RABGAP1L: variants seen among roughly 807,000 people sequenced by gnomAD.
RABGAP1L encodes the protein RAB GTPase activating protein 1 like.
In RABGAP1L, 63 loss-of-function variants were observed where a neutral mutation model predicts 137.7. The observed-to-expected ratio is 0.46, with a 90% CI of 0.37 to 0.56. The LOEUF is 0.56. RABGAP1L is among the 20% of genes least tolerant of loss of function. The probability of loss-of-function intolerance (pLI) is 0.00; values close to 1 mark genes in which losing one functional copy is unlikely to be tolerated. For synonymous variants in RABGAP1L, 431 were observed against 433.7 expected (o/e 0.99, Z 0.08); for missense variants, 1,095 against 1,244.0 (o/e 0.88, Z 1.80).
At chr1:174,271,482 T>A (rs988183903) in intron 7 of RABGAP1L, among the ~76,000 whole-genome samples, 9 of 152,142 alleles carry the variant, frequency 5.9e-5, no homozygotes, top group African/African-American at 2.2e-4. Flanking sequence ...ATAGCATATC[T>A]TGAAGTTTTG....
chr1:174,648,816 T>A (rs2148380878), intron 14 of RABGAP1L, among the ~76,000 whole-genome samples: 1 of 152,292 alleles, frequency 6.6e-6, no homozygotes. Context: ...AGTCTCCCAC[T>A]ATTATTGTAT....
intron 13 of RABGAP1L, among the ~76,000 whole-genome samples, chr1:174,552,544 G>C (rs751976401): frequency 3.3e-5 from 5 of 151,896 alleles, no homozygotes; most frequent in Admixed American, 6.6e-5. Flanking sequence ...TGGTGTATAT[G>C]TACACCATGG....
chr1:174,892,460 C>A, intron 19 of RABGAP1L: 1 of 447,580 alleles, frequency 2.2e-6, no homozygotes, highest in Admixed American at 2.8e-5. Context: ...TTATTTGTGC[C>A]AGCTTTTTCA....
rs189666442 is a variant in RABGAP1L, at chr1:174,588,159, C to A, written c.1711-49216C>A. On this transcript the variant is annotated intron_variant, in intron 13 of 25. Transcript: ENST00000681986. ...GGGATTACAGGCATGAGCCACCATG[C>A]CTGGCCTATTTATTTATTTATTTAG... Among the ~76,000 whole-genome samples the A allele has an allele frequency of 2.8e-3, 428 of 151,724 alleles. 4 individuals are homozygous for A. The highest frequency in any genetic ancestry group is 1.0e-2 in the African/African-American group (410 of 41,198).
chr1:174,609,363 G>A (rs914556352), intron 13 of RABGAP1L, among the ~76,000 whole-genome samples: 1 of 152,076 alleles, frequency 6.6e-6, no homozygotes, highest in Non-Finnish European at 1.5e-5. Context: ...TACAAATTCA[G>A]ACTTTAAAAT....
chr1:174,683,100 C>T (rs1406025175), intron 14 of RABGAP1L, among the ~76,000 whole-genome samples: 1 of 124,670 alleles, frequency 8.0e-6, no homozygotes, highest in Non-Finnish European at 1.6e-5. Flanking sequence ...GTCAGAATAG[C>T]GGATTTGCAC....
intron 11 of RABGAP1L, among the ~76,000 whole-genome samples, chr1:174,356,479 G>GT (rs1683648990): frequency 6.6e-6 from 1 of 151,944 alleles, no homozygotes; most frequent in Non-Finnish European, 1.5e-5. Context: ...AAAAAGAATT[G>GT]TGTGTATAGA....
intron 13 of RABGAP1L, among the ~76,000 whole-genome samples, chr1:174,495,028 C>G (rs895812976): frequency 1.3e-5 from 2 of 152,054 alleles, no homozygotes; most frequent in African/African-American, 4.8e-5. Flanking sequence ...CCTTATCCTC[C>G]TTTAGAAGAA....
intron 13 of RABGAP1L, among the ~76,000 whole-genome samples, chr1:174,634,766 A>T (rs1029783889): frequency 6.9e-6 from 1 of 145,032 alleles, no homozygotes; most frequent in Non-Finnish European, 1.5e-5. Flanking sequence ...CATCATTCTC[A>T]GTAAACTATT....
At chr1:174,281,587 G>A (rs1675559965) in intron 10 of RABGAP1L, among the ~76,000 whole-genome samples, 1 of 152,174 alleles carries the variant, frequency 6.6e-6, no homozygotes, top group Admixed American at 6.5e-5. Context: ...CATTAATTAG[G>A]TGTAAGTGGG....
intron 13 of RABGAP1L, among the ~76,000 whole-genome samples, chr1:174,400,655 G>A (rs890125303): frequency 6.6e-6 from 1 of 152,116 alleles, no homozygotes; most frequent in African/African-American, 2.4e-5. Context: ...AGAGCTATAA[G>A]CAATGGATTA....
At chr1:174,640,332 G>C (rs538726016) in intron 14 of RABGAP1L, among the ~76,000 whole-genome samples, 1 of 152,006 alleles carries the variant, frequency 6.6e-6, no homozygotes, top group African/African-American at 2.4e-5. Context: ...ATACTTATGA[G>C]TAATTTAGAA....
chr1:174,209,441 C>T (rs575634914), intron 1 of RABGAP1L, among the ~76,000 whole-genome samples: 79 of 152,306 alleles, frequency 5.2e-4, no homozygotes, highest in African/African-American at 1.9e-3. Flanking sequence ...CTTAAGGGAA[C>T]ATCGGCAGTA....
intron 19 of RABGAP1L, among the ~76,000 whole-genome samples, chr1:174,832,037 A>G (rs962258775): frequency 6.8e-6 from 1 of 148,062 alleles, no homozygotes; most frequent in Admixed American, 6.7e-5. Flanking sequence ...TCATGCCTAT[A>G]ATCCTAGCAC....
chr1:174,306,400 A>G (rs1190119215), intron 11 of RABGAP1L, among the ~76,000 whole-genome samples: 5 of 152,128 alleles, frequency 3.3e-5, no homozygotes, highest in Admixed American at 2.6e-4. Flanking sequence ...AAGTGTTCCT[A>G]TTTCTCCACA....
At chr1:174,481,891 AAG>A (rs1659131507) in intron 13 of RABGAP1L, among the ~76,000 whole-genome samples, 3 of 148,788 alleles carry the variant, frequency 2.0e-5, no homozygotes, top group Admixed American at 2.0e-4. Flanking sequence ...TAAAAAAAAA[AAG>A]AAAAAAAAAG....
At chr1:174,985,123 G>A (rs1354875179) in intron 24 of RABGAP1L, among the ~76,000 whole-genome samples, 2 of 152,228 alleles carry the variant, frequency 1.3e-5, no homozygotes, top group Non-Finnish European at 2.9e-5. Context: ...GCTCACGCCT[G>A]TCATTCCAAC....
intron 13 of RABGAP1L, among the ~76,000 whole-genome samples, chr1:174,397,916 G>T (rs1168795638): frequency 3.3e-5 from 5 of 152,152 alleles, no homozygotes; most frequent in Non-Finnish European, 7.3e-5. Flanking sequence ...ATAACTCACA[G>T]AACTCAGTAA....
At chr1:174,162,777 G>GTTTT (rs67811794) in intron 1 of RABGAP1L, among the ~76,000 whole-genome samples, 1 of 51,556 alleles carries the variant, frequency 1.9e-5, no homozygotes, top group Non-Finnish European at 3.3e-5. Context: ...TTCTCTTTCT[G>GTTTT]TTTTTTTTTT....
Sources: allele counts gnomAD v4.1 joint callset (sites outside exome capture counted in the v4.1 genomes callset), GRCh38; gene constraint gnomAD v4.1.1; transcripts MANE v1.5; gene names NCBI Gene and HGNC (gene_info 2026-07-23, HGNC 2026-07-21).